Variants in COL4A3 observed in about 807,000 individuals in gnomAD.
The protein encoded by COL4A3 is collagen alpha-3(IV) chain.
In COL4A3, 135 loss-of-function variants were observed where a neutral mutation model predicts 217.4. The ratio of observed to expected loss-of-function variants is 0.62; its 90% CI spans 0.54 to 0.72. COL4A3 has a LOEUF of 0.72. Among genes scored for constraint, COL4A3 ranks in the 30% least tolerant of loss-of-function variants. The pLI is 0.00. For synonymous variants in COL4A3, 690 were observed against 736.3 expected, an observed-to-expected ratio of 0.94 and a Z score of 1.02; for missense variants, 1,868 against 2,119.9, an observed-to-expected ratio of 0.88 and a Z score of 2.33.
intron 1 of COL4A3, among the ~76,000 whole-genome samples, chr2:227,221,873 T>C (rs2067805761): frequency 6.6e-6 from 1 of 151,726 alleles, no homozygotes; most frequent in Admixed American, 6.6e-5. Flanking sequence ...AAGTTGGACA[T>C]TAGGAAAAAA....
At chr2:227,293,066 G>A (rs1394545384) in intron 37 of COL4A3, 125 bp from the exon 38 acceptor site, 5 of 1,258,676 alleles carry the variant, frequency 4.0e-6, no homozygotes, top group Admixed American at 4.0e-5. Context: ...CACAGTGCTG[G>A]CAGATAGCAG....
Position 227,253,248 on chromosome 2 carries a change from A to C in COL4A3, c.646-48A>C, listed in dbSNP as rs1574698128. 1.3e-6 allele frequency: 2 copies of C among 1,498,368 alleles called. No individual in the cohort carries two copies. Among genetic ancestry groups the C allele is most frequent in the East Asian group, 4.5e-5 (2 of 44,156 alleles). The allele number at this position is 1,498,368 out of a possible 1,614,324, so 92.8% of individuals were successfully genotyped here. A position where few individuals can be genotyped will look rare whatever the true frequency, so the allele number is the denominator to read the frequency against. On this transcript the variant is annotated intron_variant, in intron 11 of 51. Coordinates refer to ENST00000396578, the MANE Select transcript of COL4A3 (RefSeq NM_000091.5). This position sits in a 1 kb window ranked among gnomAD's most constrained non-coding sequence, Gnocchi z 4.4. ...GAACTTTGATGGGTTTAGACTATTT[A>C]TTCATATTTATTTTTAGAAAATAAT...
At chr2:227,223,994 G>A (rs2067953954) in intron 1 of COL4A3, among the ~76,000 whole-genome samples, 1 of 152,144 alleles carries the variant, frequency 6.6e-6, no homozygotes, top group African/African-American at 2.4e-5. Context: ...TTAGGTGTGG[G>A]CTCTGATACT....
At chr2:227,183,461 G>C (rs926318230) in intron 1 of COL4A3, among the ~76,000 whole-genome samples, 1 of 152,192 alleles carries the variant, frequency 6.6e-6, no homozygotes, top group African/African-American at 2.4e-5. Flanking sequence ...GTGGTGGATG[G>C]AAACGAGGAA....
chr2:227,195,188 C>T (rs1163289971), intron 1 of COL4A3, among the ~76,000 whole-genome samples: 3 of 151,922 alleles, frequency 2.0e-5, no homozygotes, highest in Admixed American at 1.3e-4. Flanking sequence ...TGTTATTTTA[C>T]AAATCTTTAT....
At position 227,244,907 on chromosome 2, in the gene COL4A3, A is replaced by AGTT. The variant is rs199630222; in HGVS notation, c.280-43_280-41dup. 1.6e-3 allele frequency: 2,343 copies of AGTT among 1,429,876 alleles called. 22 individuals carry two copies. In the African/African-American group the frequency reaches 0.037, roughly 23 times the overall value. The allele number at this position is 1,429,876 out of a possible 1,614,324, so 88.6% of individuals were successfully genotyped here. ...ATGTTTATAGATTGAACATTTTTAA[A>AGTT]GTTTTTTTTTTTTGCCACCCCCTCC... On this transcript the variant is annotated intron_variant, in intron 4 of 51. Coordinates refer to ENST00000396578, the MANE Select transcript of COL4A3 (RefSeq NM_000091.5).
chr2:227,311,896 A>C lies in COL4A3; in HGVS notation c.*26A>C. On this transcript the variant is annotated 3_prime_UTR_variant, in exon 52 of 52. Coordinates refer to ENST00000396578, the MANE Select transcript of COL4A3 (RefSeq NM_000091.5). ...AGCTAAAAAAGACAGCAGAACTGCT[A>C]TTTTTCATCCTAAAGAACAAAGTAA... The C allele has an allele frequency of 1.2e-6, 2 of 1,613,348 alleles. No individual in the cohort carries two copies. Among genetic ancestry groups the C allele is most frequent in the Non-Finnish European group, 1.7e-6 (2 of 1,179,604 alleles).
At position 227,298,743 on chromosome 2, in the gene COL4A3, G is replaced by A. The variant is rs779320182; in HGVS notation, c.3813G>A (p.Gly1271=). The A allele has an allele frequency of 7.4e-6, 12 of 1,613,960 alleles. No individual in the cohort carries two copies. The highest frequency in any genetic ancestry group is 9.3e-6 in the Non-Finnish European group (11 of 1,179,998). ...TAATAGGCATAAAAGGAGACAAAGG[G>A]TCTATGGGCCACCCTGGCCCAAAAG... The part of the protein sequence containing the change: ...SHVIGIKGDK[G]SMGHPGPKGP... The change falls in exon 43 of 52, where the codon GGG becomes GGA. Residue 1271 remains glycine (G), a synonymous_variant. Coordinates refer to ENST00000396578, the MANE Select transcript of COL4A3 (RefSeq NM_000091.5).
rs777751149 is a variant in COL4A3 at position 227,282,346 on chromosome 2, T to C, written c.2489-19T>C. ...AAGCATTTGTGGGTTAATTAATTCA[T>C]TCATTTATTCGTACACAGGCAGAAG... On this transcript the variant is annotated intron_variant, in intron 31 of 51. Coordinates refer to ENST00000396578, the MANE Select transcript of COL4A3 (RefSeq NM_000091.5). This position sits in a 1 kb window ranked among gnomAD's most constrained non-coding sequence, Gnocchi z 4.4. 5.0e-6 allele frequency: 8 copies of C among 1,604,158 alleles called. No individual in the cohort carries two copies. In the East Asian group the frequency reaches 1.8e-4, roughly 36 times the overall value.
chr2:227,251,409 C>T (rs2069733538), intron 11 of COL4A3, 38 bp downstream of exon 11: 3 of 1,600,464 alleles, frequency 1.9e-6, no homozygotes. Flanking sequence ...GCTAGCACAC[C>T]CTACTCAATC....
intron 43 of COL4A3, 21 bp from the exon 44 acceptor site, chr2:227,303,017 C>T: frequency 1.3e-6 from 2 of 1,579,822 alleles, no homozygotes; most frequent in South Asian, 1.1e-5. Context: ...TTTGGTTCTG[C>T]TCCCTTTATT....
chr2:227,169,844 ACT>A (rs1254178805), intron 1 of COL4A3, among the ~76,000 whole-genome samples: 25 of 151,890 alleles, frequency 1.6e-4, no homozygotes, highest in Admixed American at 1.6e-3. Context: ...CTATTTGTAA[ACT>A]CTCTATTCCA....
chr2:227,291,518 G>A (rs550790126), intron 37 of COL4A3, among the ~76,000 whole-genome samples: 2 of 131,134 alleles, frequency 1.5e-5, no homozygotes, highest in South Asian at 2.6e-4. Context: ...AGCCGAGATC[G>A]CGCCACTGCA....
Position 227,233,583 on chromosome 2 carries a change from T to A in COL4A3, c.88-4385T>A, listed in dbSNP as rs930783633. ...AATAAGCTGGTACTCAGCTATCATA[T>A]AGAAATTCTACCTTAATGTGCAAAC... On this transcript the variant is annotated intron_variant, in intron 1 of 51. Coordinates refer to ENST00000396578, the MANE Select transcript of COL4A3 (RefSeq NM_000091.5). Among the ~76,000 whole-genome samples the A allele has an allele frequency of 5.9e-5, 9 of 152,246 alleles. No individual in the cohort carries two copies. In the East Asian group the frequency reaches 1.7e-3, roughly 29 times the overall value.
Position 227,290,807 on chromosome 2 carries a change from C to G in COL4A3, c.3131C>G (p.Pro1044Arg), listed in dbSNP as rs1458658746. ...GGTCGAGCAGGAAGACCAGGCCTCC[C>G]AGGTATTCATGGTCTCCAGGGAGAT... ...FPGRAGRPGL[P>R]GIHGLQGDKG... Residue 1044 changes from proline (P) to arginine (R), a missense_variant, in exon 37 of 52, where the codon CCA (proline) becomes CGA (arginine). By Grantham distance (103) the Pro-to-Arg change is moderately radical. This residue lies in a region of COL4A3 where 1,503 missense variants were observed against 1,786.1 expected (regional missense o/e 0.84). Transcript: ENST00000396578. 10 of 1,613,594 alleles carry G rather than the reference C, an allele frequency of 6.2e-6. No individual in the cohort carries two copies. Among genetic ancestry groups the G allele is most frequent in the Non-Finnish European group, 8.5e-6 (10 of 1,179,962 alleles).
rs2072180246 is a variant in COL4A3, at chr2:227,284,239, C to A, written c.2775C>A (p.Gly925=). 1.2e-6 allele frequency: 2 copies of A among 1,613,612 alleles called. No homozygotes were observed. Among genetic ancestry groups the A allele is most frequent in the African/African-American group, 2.7e-5 (2 of 74,886 alleles). ...RGSPGIPGVK[G]QRGTPGAKGE... is the part of the protein sequence containing the mutation. ...GCCCTGGAATTCCAGGAGTAAAGGGCCAGAGAGGAACCCCAGGAGCCAAGG... is the reference window on the plus strand; with the variant it reads ...GCCCTGGAATTCCAGGAGTAAAGGGACAGAGAGGAACCCCAGGAGCCAAGG... The change falls in exon 34 of 52, where the codon GGC becomes GGA. Residue 925 remains glycine (G), a synonymous_variant. Coordinates refer to ENST00000396578, the MANE Select transcript of COL4A3 (RefSeq NM_000091.5).
At chr2:227,245,596 T>C (rs1250348248) in intron 5 of COL4A3, 3 of 352,144 alleles carry the variant, frequency 8.5e-6, no homozygotes, top group Non-Finnish European at 1.6e-5. Context: ...AATGAAATGA[T>C]TGTATTTAAT....
At chr2:227,255,608 T>G (rs989101555) in intron 15 of COL4A3, among the ~76,000 whole-genome samples, 5 of 152,316 alleles carry the variant, frequency 3.3e-5, no homozygotes, top group Admixed American at 3.3e-4. Flanking sequence ...TAGGCAGACC[T>G]GGGGTCCAAG....
At chr2:227,246,863 T>C (rs1185630316) in intron 7 of COL4A3, 125 bp downstream of exon 7, 2 of 824,962 alleles carry the variant, frequency 2.4e-6, no homozygotes, top group Non-Finnish European at 4.3e-6. Flanking sequence ...ATAGTAGACA[T>C]TCAACTAATA....
Sources: gnomAD v4.1 joint callset for allele counts (sites outside exome capture counted in the v4.1 genomes callset) on GRCh38, gnomAD v4.1.1 for gene constraint, gnomAD v4.1.1 regional missense constraint, Gnocchi (gnomAD v3.1) non-coding constraint, MANE v1.5 for transcripts, NCBI Gene and HGNC (gene_info 2026-07-23, HGNC 2026-07-21) for gene names.